The following HDAC9 variants were observed in gnomAD, a reference collection of about 807,000 sequenced individuals.
HDAC9 encodes the protein histone deacetylase 9.
HDAC9 carries 41 observed loss-of-function variants against 139.4 expected under a neutral mutation model. The observed-to-expected ratio is 0.29, with a 90% CI of 0.23 to 0.38. HDAC9 has a LOEUF of 0.38. HDAC9 is among the 10% of genes least tolerant of loss of function. The pLI, the probability that HDAC9 is intolerant of heterozygous loss-of-function variation, is 1.00. For missense variants in HDAC9, 1,147 were observed against 1,297.0 expected, an observed-to-expected ratio of 0.88 and a Z score of 1.78; for synonymous variants, 517 against 476.2, an observed-to-expected ratio of 1.09 and a Z score of -1.12.
chr7:18,684,011 C>A (rs1191906392), intron 12 of HDAC9, among the ~76,000 whole-genome samples: 3 of 151,856 alleles, frequency 2.0e-5, no homozygotes, highest in Non-Finnish European at 4.4e-5. Flanking sequence ...AATCCCAGCC[C>A]TTTGGGAGGA....
chr7:18,652,675 C>G (rs1351562410), intron 11 of HDAC9, among the ~76,000 whole-genome samples: 1 of 151,966 alleles, frequency 6.6e-6, no homozygotes, highest in South Asian at 2.1e-4. Context: ...TGATTCATGC[C>G]TAGCAGTTTC....
chr7:18,979,859 G>A (rs1452279592), intron 25 of HDAC9, among the ~76,000 whole-genome samples: 6 of 152,134 alleles, frequency 3.9e-5, no homozygotes, highest in Non-Finnish European at 7.4e-5. Flanking sequence ...GATGGTGCAA[G>A]CCATTCATGA....
upstream of HDAC9, chr7:18,495,742 A>G: frequency 1.0e-6 from 1 of 989,498 alleles, no homozygotes; most frequent in Non-Finnish European, 1.2e-6. Context: ...AGAGACTGAG[A>G]AAGGGGGAAG....
chr7:18,271,629 A>G (rs1796362752), intron 2 of HDAC9, among the ~76,000 whole-genome samples: 1 of 152,116 alleles, frequency 6.6e-6, no homozygotes, highest in Admixed American at 6.5e-5. Flanking sequence ...TTTCACCCGA[A>G]TTCCTACATT....
chr7:18,568,023 T>C (rs548592479), intron 2 of HDAC9, among the ~76,000 whole-genome samples: 2 of 74,646 alleles, frequency 2.7e-5, no homozygotes, highest in Non-Finnish European at 5.1e-5. Context: ...GATATATGTA[T>C]ATGTATATAT....
chr7:18,338,828 G>C (rs1781779053), intron 1 of HDAC9, among the ~76,000 whole-genome samples: 1 of 151,418 alleles, frequency 6.6e-6, no homozygotes, highest in African/African-American at 2.4e-5. Flanking sequence ...AGTTTACAGA[G>C]AATTGGCATT....
intron 2 of HDAC9, among the ~76,000 whole-genome samples, chr7:18,573,196 G>A (rs1419427839): frequency 6.6e-6 from 1 of 152,042 alleles, no homozygotes; most frequent in Non-Finnish European, 1.5e-5. Context: ...CTAAAGACAT[G>A]GATAACTTGA....
chr7:18,744,012 G>GGTTTTTTTTTTTTTT (rs1787701197), intron 13 of HDAC9, among the ~76,000 whole-genome samples: 1 of 110,448 alleles, frequency 9.1e-6, no homozygotes, highest in African/African-American at 3.5e-5. Context: ...TTTACTACTA[G>GGTTTTTTTTTTTTTT]TTTTTTTTTT....
chr7:18,537,798 A>C (rs1270947026), intron 2 of HDAC9, among the ~76,000 whole-genome samples: 1 of 152,218 alleles, frequency 6.6e-6, no homozygotes, highest in East Asian at 1.9e-4. Flanking sequence ...ATGTCTGAGT[A>C]TCTACTTAGT....
At chr7:18,277,820 G>T (rs1796846027) in intron 2 of HDAC9, among the ~76,000 whole-genome samples, 1 of 152,194 alleles carries the variant, frequency 6.6e-6, no homozygotes, top group South Asian at 2.1e-4. Flanking sequence ...GAAATGCTTT[G>T]TAGTTATAGG....
chr7:18,501,416 T>C (rs1798323274), intron 2 of HDAC9, among the ~76,000 whole-genome samples: 1 of 152,112 alleles, frequency 6.6e-6, no homozygotes, highest in Admixed American at 6.6e-5. Flanking sequence ...TTCAAAGCAC[T>C]GATTTTTAAA....
chr7:18,467,852 G>A (rs1036668198), intron 1 of HDAC9, among the ~76,000 whole-genome samples: 1 of 152,052 alleles, frequency 6.6e-6, no homozygotes, highest in Non-Finnish European at 1.5e-5. Flanking sequence ...ATTGCATTTG[G>A]CCATCATATA....
At chr7:18,437,354 C>A (rs1362047167) in intron 1 of HDAC9, among the ~76,000 whole-genome samples, 1 of 152,030 alleles carries the variant, frequency 6.6e-6, no homozygotes, top group African/African-American at 2.4e-5. Context: ...AAGTCAGACC[C>A]CTGAATCACC....
chr7:18,226,950 G>A (rs572791137), intron 2 of HDAC9, among the ~76,000 whole-genome samples: 2 of 152,308 alleles, frequency 1.3e-5, no homozygotes, highest in South Asian at 4.1e-4. Context: ...CATTCTAACT[G>A]TAATTTGGAG....
intron 2 of HDAC9, among the ~76,000 whole-genome samples, chr7:18,547,688 C>T (rs1248833206): frequency 6.6e-6 from 1 of 152,172 alleles, no homozygotes; most frequent in African/African-American, 2.4e-5. Context: ...GAAGTCAATG[C>T]TTCTCAAACC....
intron 1 of HDAC9, chr7:18,458,967 T>C (rs942502747): frequency 8.5e-7 from 1 of 1,176,584 alleles, no homozygotes; most frequent in African/African-American, 1.5e-5. Context: ...AGTGGGTGAC[T>C]TCCTTTTCCA....
chr7:18,180,226 TACACACACACAC>T (rs67304424), intron 2 of HDAC9, among the ~76,000 whole-genome samples: 36 of 120,700 alleles, frequency 3.0e-4, no homozygotes, highest in East Asian at 1.4e-3. Context: ...CCAAGACACA[TACACACACACAC>T]ACACACACAC....
chr7:18,116,977 T>G (rs999352574), intron 1 of HDAC9, among the ~76,000 whole-genome samples: 3 of 152,212 alleles, frequency 2.0e-5, no homozygotes, highest in Middle Eastern at 3.2e-3. Context: ...GTTACAATCA[T>G]TCTGAATTGG....
At chr7:18,682,912 C>T (rs369697170) in intron 12 of HDAC9, among the ~76,000 whole-genome samples, 10 of 151,814 alleles carry the variant, frequency 6.6e-5, no homozygotes, top group African/African-American at 2.4e-4. Flanking sequence ...ACCTAGGAAG[C>T]GGAGGTTGCA....
Sources: allele counts gnomAD v4.1 joint callset (sites outside exome capture counted in the v4.1 genomes callset), GRCh38; gene constraint gnomAD v4.1.1; transcripts MANE v1.5; gene names NCBI Gene and HGNC (gene_info 2026-07-23, HGNC 2026-07-21).